KLHL1: variants seen among roughly 807,000 people sequenced by gnomAD.
The protein encoded by KLHL1 is kelch like family member 1, also known as kelch-like protein 1.
A neutral mutation model predicts 77.7 loss-of-function variants in KLHL1; 47 were observed. That is an observed-to-expected ratio of 0.60 (90% CI 0.48 to 0.77). The LOEUF (loss-of-function observed/expected upper bound fraction) is 0.77. Among genes scored for constraint, KLHL1 ranks in the 30% least tolerant of loss-of-function variants. The pLI is 0.00. For synonymous variants in KLHL1, 360 were observed against 325.2 expected (o/e 1.11, Z -1.15); for missense variants, 925 against 910.8 (o/e 1.02, Z -0.20).
chr13:70,079,385 C>T (rs749351860), intron 1 of KLHL1, among the ~76,000 whole-genome samples: 6 of 152,166 alleles, frequency 3.9e-5, no homozygotes, highest in Non-Finnish European at 8.8e-5. Flanking sequence ...TAACCCATGG[C>T]ATGTATGCTA....
chr13:69,819,575 T>C (rs1285068326), intron 6 of KLHL1, among the ~76,000 whole-genome samples: 1 of 151,840 alleles, frequency 6.6e-6, no homozygotes, highest in Non-Finnish European at 1.5e-5. Flanking sequence ...AAATCAGTAA[T>C]TGACCTATGG....
intron 4 of KLHL1, among the ~76,000 whole-genome samples, chr13:69,891,893 T>C (rs1297449956): frequency 6.6e-6 from 1 of 151,940 alleles, no homozygotes; most frequent in Non-Finnish European, 1.5e-5. Flanking sequence ...AAATAATTTA[T>C]AAATTTTATT....
chr13:70,097,795 C>T (rs1200981465), intron 1 of KLHL1, among the ~76,000 whole-genome samples: 2 of 151,578 alleles, frequency 1.3e-5, no homozygotes, highest in Non-Finnish European at 3.0e-5. Context: ...GGAAGAGTTC[C>T]CCTGATACTG....
chr13:69,745,931 C>T (rs1874195579), intron 7 of KLHL1, among the ~76,000 whole-genome samples: 1 of 151,480 alleles, frequency 6.6e-6, no homozygotes, highest in African/African-American at 2.4e-5. Context: ...AATATCTTTA[C>T]AACATTGTCT....
At chr13:69,871,906 CTTTA>C (rs1566349572) in intron 5 of KLHL1, among the ~76,000 whole-genome samples, 1 of 152,004 alleles carries the variant, frequency 6.6e-6, no homozygotes, top group Non-Finnish European at 1.5e-5. Flanking sequence ...CCTCATCTTG[CTTTA>C]TTTTTTAAGC....
At chr13:69,952,613 A>G (rs1883745173) in intron 3 of KLHL1, among the ~76,000 whole-genome samples, 2 of 151,392 alleles carry the variant, frequency 1.3e-5, no homozygotes, top group Admixed American at 6.6e-5. Context: ...CAAAGGAATC[A>G]GTGATCAAGG....
At chr13:69,882,143 T>C in intron 5 of KLHL1, 140 bp downstream of exon 5, 1 of 641,670 alleles carries the variant, frequency 1.6e-6, no homozygotes, top group South Asian at 2.0e-5. Context: ...TTTTCCACCA[T>C]CAAATTTAAC....
intron 3 of KLHL1, among the ~76,000 whole-genome samples, chr13:69,957,826 G>GAAAAA (rs574973441): frequency 0.01 from 1,532 of 151,666 alleles, 26 homozygotes; most frequent in African/African-American, 0.034. Flanking sequence ...AGTCTTAAAA[G>GAAAAA]AAAAATTGAA....
At chr13:69,767,440 T>C (rs956982121) in intron 7 of KLHL1, among the ~76,000 whole-genome samples, 1 of 152,110 alleles carries the variant, frequency 6.6e-6, no homozygotes, top group African/African-American at 2.4e-5. Context: ...CTCATGCCTG[T>C]AATCCCAGCA....
chr13:69,889,229 C>A (rs1881336020), intron 4 of KLHL1, among the ~76,000 whole-genome samples: 1 of 152,102 alleles, frequency 6.6e-6, no homozygotes, highest in Non-Finnish European at 1.5e-5. Context: ...TTTTACTGGG[C>A]TTTTGATTAT....
At chr13:69,908,543 G>C (rs535287695) in intron 4 of KLHL1, among the ~76,000 whole-genome samples, 1 of 147,234 alleles carries the variant, frequency 6.8e-6, no homozygotes. Flanking sequence ...AAGAGAAAAC[G>C]TAAAAACCAC....
At chr13:69,893,332 T>C (rs1881501278) in intron 4 of KLHL1, among the ~76,000 whole-genome samples, 1 of 151,312 alleles carries the variant, frequency 6.6e-6, no homozygotes, top group Middle Eastern at 3.2e-3. Context: ...CTTCCCGGGT[T>C]CACGCCATTC....
chr13:69,957,842 T>G (rs1473693549), intron 3 of KLHL1, among the ~76,000 whole-genome samples: 42 of 151,900 alleles, frequency 2.8e-4, no homozygotes, highest in Middle Eastern at 3.4e-3. Flanking sequence ...TTGAAATTGC[T>G]TATACTGCTA....
intron 5 of KLHL1, among the ~76,000 whole-genome samples, chr13:69,869,143 G>A (rs1327240519): frequency 6.6e-6 from 1 of 151,988 alleles, no homozygotes; most frequent in Non-Finnish European, 1.5e-5. Context: ...AAAAAAGGGG[G>A]AAAGTAATGT....
chr13:70,026,963 CT>C (rs1373113295), intron 1 of KLHL1, among the ~76,000 whole-genome samples: 2 of 151,886 alleles, frequency 1.3e-5, no homozygotes, highest in African/African-American at 2.4e-5. Context: ...CAATTTTATG[CT>C]GAAAAGTGTT....
At chr13:69,791,861 A>ATAGAT (rs1182285412) in intron 7 of KLHL1, among the ~76,000 whole-genome samples, 1 of 152,198 alleles carries the variant, frequency 6.6e-6, no homozygotes, top group African/African-American at 2.4e-5. Context: ...CTTCATGAAC[A>ATAGAT]TAGATTAGAA....
chr13:69,895,865 C>T (rs1881619153), intron 4 of KLHL1, among the ~76,000 whole-genome samples: 1 of 151,920 alleles, frequency 6.6e-6, no homozygotes, highest in South Asian at 2.1e-4. Flanking sequence ...CACCACCATG[C>T]CTGGCTAATT....
chr13:69,835,246 A>T (rs1349302462), intron 6 of KLHL1, among the ~76,000 whole-genome samples: 1 of 152,168 alleles, frequency 6.6e-6, no homozygotes, highest in East Asian at 1.9e-4. Context: ...AGAATAGAAG[A>T]CTCAGGCTGA....
intron 1 of KLHL1, among the ~76,000 whole-genome samples, chr13:70,055,163 T>G (rs1228775551): frequency 6.6e-6 from 1 of 151,658 alleles, no homozygotes; most frequent in Non-Finnish European, 1.5e-5. Flanking sequence ...AAAGAAAGGG[T>G]CATAAAATCA....
Sources: allele counts gnomAD v4.1 joint callset (sites outside exome capture counted in the v4.1 genomes callset), GRCh38; gene constraint gnomAD v4.1.1; transcripts MANE v1.5; gene names NCBI Gene and HGNC (gene_info 2026-07-23, HGNC 2026-07-21).